The following LYST variants were observed in gnomAD, a reference collection of about 807,000 sequenced individuals.
LYST encodes lysosomal trafficking regulator, also known as lysosomal-trafficking regulator.
A neutral mutation model predicts 413.6 loss-of-function variants in LYST; 192 were observed. That is an observed-to-expected ratio of 0.46 (90% CI 0.41 to 0.52). The LOEUF is 0.52. Among genes scored for constraint, LYST ranks in the 20% least tolerant of loss-of-function variants. LYST has a pLI of 0.00. For missense variants in LYST, 3,815 were observed against 4,499.9 expected, an observed-to-expected ratio of 0.85 and a Z score of 4.35; for synonymous variants, 1,525 against 1,567.3, an observed-to-expected ratio of 0.97 and a Z score of 0.64.
chr1:235,801,935 C>T (rs1486171241), intron 8 of LYST, among the ~76,000 whole-genome samples: 1 of 152,128 alleles, frequency 6.6e-6, no homozygotes, highest in Admixed American at 6.5e-5. Flanking sequence ...GTGGCTCACG[C>T]CTGTAATCCC....
chr1:235,773,702 G>GA, intron 19 of LYST, 140 bp downstream of exon 19: 1 of 693,072 alleles, frequency 1.4e-6, no homozygotes, highest in South Asian at 1.8e-5. Context: ...TTACAGAGAT[G>GA]GATGGTGGTG....
chr1:235,687,044 T>C lies in LYST; in HGVS notation c.10705A>G (p.Thr3569Ala), dbSNP rs1219576638. The C allele has an allele frequency of 9.9e-6, 16 of 1,609,488 alleles. No homozygotes were observed. The highest frequency in any genetic ancestry group is 1.3e-5 in the African/African-American group (1 of 74,820). The change falls in exon 48 of 53, where the codon ACT becomes GCT. Residue 3569 changes from threonine (T) to alanine (A), a missense_variant. Physicochemically the swap from Thr to Ala is moderately conservative, Grantham distance 58. This residue lies in a region of LYST where 866 missense variants were observed against 1,156.0 expected (regional missense o/e 0.75). Coordinates refer to ENST00000389793, the MANE Select transcript of LYST (RefSeq NM_000081.4). The part of the protein sequence containing the change: ...FIQSSQQYQV[T>A]SCAWVPDSCQ... Reference sequence around the variant, plus strand: ...CTGTCAGGCACCCAAGCACAACTAGTCACCTTTGAAAAAGGACCAATCAAA... The same window carrying C: ...CTGTCAGGCACCCAAGCACAACTAGCCACCTTTGAAAAAGGACCAATCAAA...
At chr1:235,780,622 T>C (rs867639697) in intron 16 of LYST, among the ~76,000 whole-genome samples, 3 of 151,860 alleles carry the variant, frequency 2.0e-5, no homozygotes, top group African/African-American at 7.3e-5. Context: ...TAAACTAAAC[T>C]GATAAACTTT....
chr1:235,661,370 G>T lies in LYST; in HGVS notation c.*1570C>A. On this transcript the variant is annotated 3_prime_UTR_variant, in exon 53 of 53. Coordinates refer to ENST00000389793, the MANE Select transcript of LYST (RefSeq NM_000081.4). ...GTTCTCAGTAAAAAAATGAAAGCTA[G>T]ACAATAGCTGCAATTTTTTGTTAAC... 1 of 152,448 alleles carries T rather than the reference G, an allele frequency of 6.6e-6. No individual in the cohort carries two copies. 9.4% of individuals were successfully genotyped at this position (152,448 alleles called of 1,614,324 possible).
chr1:235,777,876 C>G (rs1669438722), intron 16 of LYST, among the ~76,000 whole-genome samples: 1 of 151,976 alleles, frequency 6.6e-6, no homozygotes, highest in South Asian at 2.1e-4. Context: ...GGCTCCCTGT[C>G]AAGATTCTCT....
chr1:235,748,265 G>A (rs1395355422), intron 28 of LYST, among the ~76,000 whole-genome samples: 1 of 152,092 alleles, frequency 6.6e-6, no homozygotes. Context: ...TCCTAATGCT[G>A]ACTACTTCTA....
chr1:235,691,759 C>T (rs139840658), intron 47 of LYST, among the ~76,000 whole-genome samples: 3,511 of 141,744 alleles, frequency 0.025, 140 homozygotes, highest in African/African-American at 0.089. Context: ...CGCAATGGCA[C>T]GATCTCAGCT....
chr1:235,780,133 A>C (rs1333447673), intron 16 of LYST, among the ~76,000 whole-genome samples: 1 of 152,170 alleles, frequency 6.6e-6, no homozygotes, highest in Non-Finnish European at 1.5e-5. Flanking sequence ...TAGGCCAGGC[A>C]TGGTGGCTCA....
intron 31 of LYST, chr1:235,737,922 G>GAAGTGTAT: frequency 8.5e-7 from 1 of 1,174,420 alleles, no homozygotes; most frequent in Non-Finnish European, 1.1e-6. Context: ...GACGAGTCTG[G>GAAGTGTAT]ATCTCACTGC....
In LYST at chr1:235,875,941, C is replaced by T. The variant is rs534131934; in HGVS notation, n.454+7246G>A. Among the ~76,000 whole-genome samples, 6 of 152,174 alleles carry T rather than the reference C, an allele frequency of 3.9e-5. No homozygotes were observed. In the South Asian group the frequency reaches 8.3e-4, roughly 21 times the overall value. On this transcript the variant is annotated intron_variant and non_coding_transcript_variant, in intron 1 of 11. Transcript: ENST00000465349. ...AAATTAAAATATGCTTTTTCTTGGC[C>T]GGGCATAGTGACTCGTGCTTGTAAT... is the stretch of plus-strand genomic sequence containing the variant.
At chr1:235,687,596 C>A (rs1049733131) in intron 47 of LYST, among the ~76,000 whole-genome samples, 1 of 152,108 alleles carries the variant, frequency 6.6e-6, no homozygotes, top group African/African-American at 2.4e-5. Context: ...ACCATGGAGG[C>A]ACCACTCAGG....
intron 13 of LYST, among the ~76,000 whole-genome samples, chr1:235,788,226 C>G (rs1172612663): frequency 5.3e-5 from 8 of 152,162 alleles, no homozygotes; most frequent in Non-Finnish European, 1.5e-5. Flanking sequence ...GTGGCGCGAT[C>G]TGGGATCACT....
At chr1:235,816,458 AAAAAAT>A (rs1452533062) in intron 3 of LYST, among the ~76,000 whole-genome samples, 1 of 115,334 alleles carries the variant, frequency 8.7e-6, no homozygotes, top group Non-Finnish European at 1.7e-5. Flanking sequence ...ATAAATAAAT[AAAAAAT>A]AAAAATAAAA....
At chr1:235,827,359 ACT>A (rs929040623) in intron 3 of LYST, 2 of 846,494 alleles carry the variant, frequency 2.4e-6, no homozygotes, top group African/African-American at 1.8e-5. Context: ...AAAAAGTGAG[ACT>A]CTGTCTCAAA....
chr1:235,709,244 C>A lies in LYST; in HGVS notation c.9990G>T (p.Ala3330=). The change falls in exon 44 of 53, where the codon GCG becomes GCT. Residue 3330 remains alanine (A), a synonymous_variant. Coordinates refer to ENST00000389793, the MANE Select transcript of LYST (RefSeq NM_000081.4). ...RVNHVNLPPW[A]RNDPRLFILI... ...GGATAAAAAGACGAGGATCATTACG[C>A]GCCCAAGGGGGAAGGTTGACGTGAT... 6.2e-7 allele frequency: 1 copy of A among 1,614,108 alleles called. No homozygotes were observed. The highest frequency in any genetic ancestry group is 1.1e-5 in the South Asian group (1 of 91,090).
intron 47 of LYST, among the ~76,000 whole-genome samples, chr1:235,690,310 A>G (rs1347866824): frequency 1.3e-5 from 2 of 152,202 alleles, no homozygotes; most frequent in African/African-American, 4.8e-5. Context: ...CCAATTTATA[A>G]TAATCCCAAA....
chr1:235,741,613 T>C lies in LYST; in HGVS notation c.8167A>G (p.Ser2723Gly), dbSNP rs1665410396. Residue 2723 changes from serine to glycine, a missense_variant, in exon 31 of 53, where the codon AGT (serine) becomes GGT (glycine). Around this residue, in one of 4 missense-constraint regions of LYST, gnomAD observed 771 missense variants for 837.1 expected, o/e 0.92. Transcript: ENST00000389793. ...TTAGTCCATTGCTGCTTGGAACCACTGGCTTTACTTGAACCCTAAAATCAA... is the reference window on the plus strand; with the variant it reads ...TTAGTCCATTGCTGCTTGGAACCACCGGCTTTACTTGAACCCTAAAATCAA... ...FKVSIGSSKA[S>G]GSKQQWTKIL... The C allele has an allele frequency of 6.2e-7, 1 of 1,613,502 alleles. No individual in the cohort carries two copies. Among genetic ancestry groups the C allele is most frequent in the Non-Finnish European group, 8.5e-7 (1 of 1,179,590 alleles).
At chr1:235,881,042 G>T (rs1681353776) in intron 1 of LYST, among the ~76,000 whole-genome samples, 1 of 152,070 alleles carries the variant, frequency 6.6e-6, no homozygotes, top group African/African-American at 2.4e-5. Flanking sequence ...AGGAGAATCA[G>T]CCTAGGAAAT....
chr1:235,856,823 A>G (rs1460138102), intron 1 of LYST, among the ~76,000 whole-genome samples: 1 of 152,134 alleles, frequency 6.6e-6, no homozygotes. Flanking sequence ...TCTTGAACAA[A>G]CTCTAAGTCA....
Sources: allele counts gnomAD v4.1 joint callset (sites outside exome capture counted in the v4.1 genomes callset), GRCh38; gene constraint gnomAD v4.1.1; regional missense constraint gnomAD v4.1.1; transcripts MANE v1.5; gene names NCBI Gene and HGNC (gene_info 2026-07-23, HGNC 2026-07-21).